MYH15: variants seen among roughly 807,000 people sequenced by gnomAD.
MYH15 encodes myosin heavy chain 15, also known as myosin-15.
In MYH15, 227 loss-of-function variants were observed where a neutral mutation model predicts 240.5. That is an observed-to-expected ratio of 0.94 (90% confidence interval 0.85 to 1.05). MYH15 has a LOEUF of 1.05. MYH15 is among the 50% of genes least tolerant of loss of function. The pLI is 0.00. For synonymous variants in MYH15, 785 were observed against 796.7 expected, an observed-to-expected ratio of 0.99 and a Z score of 0.25; for missense variants, 2,217 against 2,247.5, an observed-to-expected ratio of 0.99 and a Z score of 0.27.
At chr3:108,534,283 T>C (rs1215524666), upstream of MYH15, among the ~76,000 whole-genome samples, 1 of 152,238 alleles carries the variant, frequency 6.6e-6, no homozygotes, top group Non-Finnish European at 1.5e-5. Flanking sequence ...AGCCATATTA[T>C]TTATCTTGAA....
chr3:108,399,653 G>A (rs6786473), intron 33 of MYH15, among the ~76,000 whole-genome samples: 70,975 of 151,988 alleles, frequency 0.47, 16,745 homozygotes, highest in Non-Finnish European at 0.49. Context: ...TCAGACAGCC[G>A]TAATATTTCA....
chr3:108,436,451 T>C (rs965710066), intron 25 of MYH15, among the ~76,000 whole-genome samples: 1 of 152,232 alleles, frequency 6.6e-6, no homozygotes, highest in East Asian at 1.9e-4. Context: ...CATATGTATA[T>C]ACCAACAAGA....
chr3:108,432,891 C>A (rs1475833300), intron 25 of MYH15, among the ~76,000 whole-genome samples: 1 of 152,188 alleles, frequency 6.6e-6, no homozygotes, highest in Non-Finnish European at 1.5e-5. Flanking sequence ...CATGGAGAAC[C>A]TCTGCTATAG....
At chr3:108,496,115 T>G (rs943987173) in intron 6 of MYH15, among the ~76,000 whole-genome samples, 1 of 152,224 alleles carries the variant, frequency 6.6e-6, no homozygotes, top group African/African-American at 2.4e-5. Flanking sequence ...AATGCTTCTT[T>G]TTTGGTTGGC....
rs1193369139 is a variant in MYH15, at chr3:108,399,262, T to G, written c.4742A>C (p.Lys1581Thr). ...KDEEIENFRR[K>T]QQCTIDSLQS... ...CAGGGAGTCAATGGTACACTGCTGC[T>G]TCCTCCTAATTTGAAATAACATTTG... is the stretch of plus-strand genomic sequence containing the variant. The change falls in exon 34 of 41, where the codon AAG becomes ACG. Residue 1581 changes from lysine (K) to threonine (T), a missense_variant. By Grantham distance (78) the Lys-to-Thr change is moderately conservative (BLOSUM62 -1). Transcript: ENST00000693548. The G allele has an allele frequency of 6.2e-7, 1 of 1,606,840 alleles. No individual in the cohort carries two copies. Among genetic ancestry groups the G allele is most frequent in the East Asian group, 2.2e-5 (1 of 44,740 alleles).
At chr3:108,546,042 T>G in the MYH15 span, among the ~76,000 whole-genome samples, 1 of 152,192 alleles carries the variant, frequency 6.6e-6, no homozygotes, top group African/African-American at 2.4e-5. Flanking sequence ...TTAAAAGTCA[T>G]ATCAGTTTGT....
intron 11 of MYH15, among the ~76,000 whole-genome samples, chr3:108,481,922 A>G (rs1386999590): frequency 2.0e-5 from 3 of 152,180 alleles, no homozygotes; most frequent in African/African-American, 4.8e-5. Flanking sequence ...GAAGCAGGAC[A>G]TGGTGGAACA....
chr3:108,484,172 G>A (rs779691608), intron 11 of MYH15, among the ~76,000 whole-genome samples: 2 of 151,966 alleles, frequency 1.3e-5, no homozygotes, highest in Non-Finnish European at 2.9e-5. Flanking sequence ...TTTTTGTTTC[G>A]GTTGTAAGGA....
At chr3:108,519,996 CTAGAAT>C (rs1322032505) in intron 1 of MYH15, among the ~76,000 whole-genome samples, 1 of 152,092 alleles carries the variant, frequency 6.6e-6, no homozygotes, top group Non-Finnish European at 1.5e-5. Context: ...TAAAATAAAA[CTAGAAT>C]ATTATGTATT....
At chr3:108,424,066 G>A (rs571434324) in intron 27 of MYH15, among the ~76,000 whole-genome samples, 2 of 152,262 alleles carry the variant, frequency 1.3e-5, no homozygotes, top group South Asian at 4.2e-4. Flanking sequence ...TGAATATGCT[G>A]TGCTATGCAC....
chr3:108,454,560 T>C (rs970582380), intron 20 of MYH15, among the ~76,000 whole-genome samples: 2 of 152,158 alleles, frequency 1.3e-5, no homozygotes, highest in African/African-American at 4.8e-5. Flanking sequence ...CTCTGTAGGA[T>C]ATTCTTGTTT....
chr3:108,495,449 C>A (rs561899648), intron 7 of MYH15, among the ~76,000 whole-genome samples: 17 of 152,200 alleles, frequency 1.1e-4, no homozygotes, highest in Non-Finnish European at 2.2e-4. Context: ...GAAAATAATT[C>A]AAATATGTAA....
intron 40 of MYH15, 136 bp from the exon 41 acceptor site, chr3:108,381,695 C>T: frequency 2.1e-6 from 2 of 966,600 alleles, no homozygotes. Flanking sequence ...CAAAGGGAGG[C>T]AGGGAATTGA....
Position 108,459,407 on chromosome 3 carries a change from G to T in MYH15, c.1975C>A (p.Pro659Thr). The change falls in exon 18 of 41, where the codon CCT (proline) becomes ACT (threonine). Residue 659 changes from proline to threonine, a missense_variant. Coordinates refer to ENST00000693548, the MANE Select transcript of MYH15 (RefSeq NM_014981.3). ...GGATTTATGCATCTCACAAAATGAG[G>T]TGCTGTTGATTTCAGATTAGTCATC... ...KLMTNLKSTA[P>T]HFVRCINPNV... 6.2e-7 allele frequency: 1 copy of T among 1,604,584 alleles called. No homozygotes were observed. The highest frequency in any genetic ancestry group is 8.5e-7 in the Non-Finnish European group (1 of 1,176,746).
At chr3:108,457,030 T>C (rs1281565950) in intron 18 of MYH15, 147 bp from the exon 19 acceptor site, 3 of 606,386 alleles carry the variant, frequency 4.9e-6, no homozygotes, top group East Asian at 2.7e-5. Context: ...CACTCACTTA[T>C]GGCCTGATAG....
At chr3:108,491,179 C>T (rs543377600) in intron 9 of MYH15, among the ~76,000 whole-genome samples, 60 of 152,240 alleles carry the variant, frequency 3.9e-4, no homozygotes, top group African/African-American at 1.3e-3. Context: ...GGAGTCACCA[C>T]GCCCAGCCTA....
intron 29 of MYH15, 42 bp downstream of exon 29, chr3:108,416,770 A>C: frequency 6.9e-7 from 1 of 1,451,544 alleles, no homozygotes; most frequent in Non-Finnish European, 9.5e-7. Context: ...AAAAAAAAAA[A>C]CACACAGTCA....
Position 108,428,472 on chromosome 3 carries a change from G to C in MYH15, c.3702+20C>G, listed in dbSNP as rs750342784. 1.9e-6 allele frequency: 3 copies of C among 1,581,666 alleles called. No homozygotes were observed. Among genetic ancestry groups the C allele is most frequent in the Middle Eastern group, 2.0e-4 (1 of 5,112 alleles). On this transcript the variant is annotated intron_variant, in intron 27 of 40. Transcript: ENST00000693548. Reference sequence around the variant, plus strand: ...ACTTCCATGTTCAGAAGACCACGAGGATGGCATGGGAGTATCTACCTTAGC... The same window carrying C: ...ACTTCCATGTTCAGAAGACCACGAGCATGGCATGGGAGTATCTACCTTAGC...
At chr3:108,391,577 AC>A (rs939649616) in intron 37 of MYH15, among the ~76,000 whole-genome samples, 182 bp downstream of exon 37, 2 of 152,164 alleles carry the variant, frequency 1.3e-5, no homozygotes, top group African/African-American at 4.8e-5. Context: ...CTATGTGCTC[AC>A]CCAAAGTCAA....
Sources: allele counts gnomAD v4.1 joint callset (sites outside exome capture counted in the v4.1 genomes callset), GRCh38; gene constraint gnomAD v4.1.1; transcripts MANE v1.5; gene names NCBI Gene and HGNC (gene_info 2026-07-23, HGNC 2026-07-21).